The following DTNB variants were observed in gnomAD, a reference collection of about 807,000 sequenced individuals.
DTNB encodes dystrobrevin beta.
Under a neutral mutation model 90.7 loss-of-function variants are expected in DTNB, and 63 were observed. The observed-to-expected ratio is 0.69, with a 90% confidence interval of 0.57 to 0.86. The LOEUF is 0.86. Among genes scored for constraint, DTNB ranks in the 40% least tolerant of loss-of-function variants. DTNB has a pLI of 0.00. For synonymous variants in DTNB, 277 were observed against 286.7 expected, an observed-to-expected ratio of 0.97 and a Z score of 0.34; for missense variants, 744 against 807.1, an observed-to-expected ratio of 0.92 and a Z score of 0.95.
chr2:25,387,208 T>G lies in DTNB; in HGVS notation c.1825+81A>C. On this transcript the variant is annotated intron_variant, in intron 18 of 20. Coordinates refer to ENST00000406818, the MANE Select transcript of DTNB (RefSeq NM_021907.5). The surrounding 1 kb of genome is among the most constrained non-coding windows in gnomAD (Gnocchi z 4.5). Reference sequence around the variant, plus strand: ...TGGTGCAAGCTGGGTGGTGAGGTTCTGCCGGTGCTGGCAAGGAAGTGAGAA... The same window carrying G: ...TGGTGCAAGCTGGGTGGTGAGGTTCGGCCGGTGCTGGCAAGGAAGTGAGAA... 7.1e-7 allele frequency: 1 copy of G among 1,399,902 alleles called. No homozygotes were observed. The highest frequency in any genetic ancestry group is 9.9e-7 in the Non-Finnish European group (1 of 1,010,046). 86.7% of individuals were successfully genotyped at this position (1,399,902 alleles called of 1,614,324 possible).
At chr2:25,430,951 C>T (rs10198073) in intron 14 of DTNB, among the ~76,000 whole-genome samples, 45,110 of 152,052 alleles carry the variant, frequency 0.3, 6,973 homozygotes, top group Non-Finnish European at 0.34. Flanking sequence ...TAGCCACTCA[C>T]CCTATGGGTG....
chr2:25,500,303 T>C (rs1242515385), intron 9 of DTNB, among the ~76,000 whole-genome samples: 2 of 152,158 alleles, frequency 1.3e-5, no homozygotes, highest in Non-Finnish European at 2.9e-5. Flanking sequence ...ATGGAAAAGA[T>C]ATCCAGACAA....
At chr2:25,490,604 CT>C (rs1163491935) in intron 9 of DTNB, among the ~76,000 whole-genome samples, 1 of 151,820 alleles carries the variant, frequency 6.6e-6, no homozygotes, top group Non-Finnish European at 1.5e-5. Context: ...TGAAATTATC[CT>C]AAGTGTTCAA....
At chr2:25,524,862 T>C (rs886792156) in intron 9 of DTNB, among the ~76,000 whole-genome samples, 25 of 152,298 alleles carry the variant, frequency 1.6e-4, no homozygotes, top group Admixed American at 1.2e-3. Flanking sequence ...GCTGAACCAC[T>C]GAGATCTGGT....
intron 8 of DTNB, among the ~76,000 whole-genome samples, chr2:25,536,614 A>C (rs1257530837): frequency 6.6e-6 from 1 of 152,072 alleles, no homozygotes; most frequent in Non-Finnish European, 1.5e-5. Context: ...AGGCAAGAGA[A>C]TCACCGGAGC....
intron 9 of DTNB, among the ~76,000 whole-genome samples, chr2:25,488,686 T>C (rs549505295): frequency 1.1e-4 from 17 of 152,228 alleles, no homozygotes; most frequent in Non-Finnish European, 2.2e-4. Flanking sequence ...AGTCTCTCAC[T>C]CTGTTGCCCA....
At chr2:25,514,634 G>T (rs1329470055) in intron 9 of DTNB, among the ~76,000 whole-genome samples, 1 of 147,732 alleles carries the variant, frequency 6.8e-6, no homozygotes, top group African/African-American at 2.5e-5. Flanking sequence ...AGGAACAGAT[G>T]ATTTGTATTG....
intron 16 of DTNB, among the ~76,000 whole-genome samples, chr2:25,404,177 T>G (rs2044449367): frequency 6.6e-6 from 1 of 152,090 alleles, no homozygotes. Flanking sequence ...ATATCTCCAC[T>G]CTCAGCAGGC....
At chr2:25,494,702 C>A (rs190399343) in intron 9 of DTNB, among the ~76,000 whole-genome samples, 3 of 152,048 alleles carry the variant, frequency 2.0e-5, no homozygotes, top group Non-Finnish European at 4.4e-5. Context: ...GAGTTTCTGC[C>A]CAGAATCTCA....
At chr2:25,500,707 G>A (rs563494844) in intron 9 of DTNB, among the ~76,000 whole-genome samples, 15 of 152,050 alleles carry the variant, frequency 9.9e-5, no homozygotes, top group South Asian at 4.2e-4. Context: ...GAGCACATGC[G>A]GAGAGCTCAC....
intron 8 of DTNB, among the ~76,000 whole-genome samples, chr2:25,538,978 A>G (rs2080499795): frequency 6.6e-6 from 1 of 152,160 alleles, no homozygotes; most frequent in South Asian, 2.1e-4. Context: ...CATTGTTTAG[A>G]TATGTATAAA....
chr2:25,576,221 GTTT>G (rs57969480), intron 8 of DTNB, among the ~76,000 whole-genome samples: 1 of 97,538 alleles, frequency 1.0e-5, no homozygotes, highest in Non-Finnish European at 2.2e-5. Flanking sequence ...GAACAGTTTT[GTTT>G]TTTTTTTTTT....
chr2:25,430,561 C>A (rs977907554), intron 14 of DTNB, among the ~76,000 whole-genome samples: 1 of 151,980 alleles, frequency 6.6e-6, no homozygotes, highest in African/African-American at 2.4e-5. Context: ...CTGGGACTAT[C>A]CCCACCATAT....
rs915745663 is a variant in DTNB at position 25,529,204 on chromosome 2, C to A, written c.1001+2269G>T. Among the ~76,000 whole-genome samples the A allele has an allele frequency of 8.5e-5, 13 of 152,116 alleles. No homozygotes were observed. The South Asian group carries it at 2.3e-3, about 27-fold the overall frequency. ...TAAAGAAACCAGAAGCCAGCCTGTG[C>A]GTATTTGGAAACTTCATTTTTGACA... On this transcript the variant is annotated intron_variant, in intron 9 of 20. Coordinates refer to ENST00000406818, the MANE Select transcript of DTNB (RefSeq NM_021907.5).
chr2:25,458,794 G>C (rs1424895515), intron 10 of DTNB, among the ~76,000 whole-genome samples: 1 of 152,082 alleles, frequency 6.6e-6, no homozygotes, highest in Non-Finnish European at 1.5e-5. Context: ...ACAGGTGCCC[G>C]CCACCAAGGC....
At chr2:25,552,841 A>ATATTTTTTTTTTTTTT (rs1559000907) in intron 8 of DTNB, among the ~76,000 whole-genome samples, 1 of 86,036 alleles carries the variant, frequency 1.2e-5, no homozygotes. Context: ...TCTCTTTTTG[A>ATATTTTTTTTTTTTTT]TTTTTTTTTT....
chr2:25,462,920 G>T (rs2061229922), intron 10 of DTNB, among the ~76,000 whole-genome samples: 1 of 151,994 alleles, frequency 6.6e-6, no homozygotes, highest in African/African-American at 2.4e-5. Context: ...AGCCGGGATG[G>T]TCTCGATCTG....
At chr2:25,434,032 C>G in intron 12 of DTNB, 37 bp from the exon 13 acceptor site, 1 of 1,248,042 alleles carries the variant, frequency 8.0e-7, no homozygotes, top group Non-Finnish European at 1.1e-6. Context: ...TTTTTTTTTT[C>G]TGATCCAAAT....
At chr2:25,667,730 T>C (rs976076117) in intron 1 of DTNB, among the ~76,000 whole-genome samples, 1 of 152,196 alleles carries the variant, frequency 6.6e-6, no homozygotes, top group Non-Finnish European at 1.5e-5. Context: ...AAGCTTGATA[T>C]ATTCTTACCA....
Sources: allele counts gnomAD v4.1 joint callset (sites outside exome capture counted in the v4.1 genomes callset), GRCh38; gene constraint gnomAD v4.1.1; non-coding constraint Gnocchi (gnomAD v3.1); transcripts MANE v1.5; gene names NCBI Gene and HGNC (gene_info 2026-07-23, HGNC 2026-07-21).